INTS4: variants seen among roughly 807,000 people sequenced by gnomAD.
The protein encoded by INTS4 is integrator complex subunit 4.
In INTS4, 70 loss-of-function variants were observed where a neutral mutation model predicts 119.5. The observed-to-expected ratio is 0.59, with a 90% CI of 0.48 to 0.71. The LOEUF (loss-of-function observed/expected upper bound fraction) is 0.71. Among genes scored for constraint, INTS4 ranks in the 30% least tolerant of loss-of-function variants. The pLI is 0.00. For missense variants in INTS4, 867 were observed against 1,173.2 expected (o/e 0.74, Z 3.81); for synonymous variants, 316 against 419.6 (o/e 0.75, Z 3.02).
At chr11:77,940,459 G>A (rs1216283020) in intron 9 of INTS4, among the ~76,000 whole-genome samples, 1 of 152,066 alleles carries the variant, frequency 6.6e-6, no homozygotes, top group African/African-American at 2.4e-5. Flanking sequence ...ATGGCGTGGG[G>A]TTGGGGGTAT....
At position 77,938,690 on chromosome 11, in the gene INTS4, A is replaced by G; in HGVS notation, c.1126T>C (p.Cys376Arg). 2 of 1,611,876 alleles carry G rather than the reference A, an allele frequency of 1.2e-6. No individual in the cohort carries two copies. Among genetic ancestry groups the G allele is most frequent in the Non-Finnish European group, 1.7e-6 (2 of 1,179,804 alleles). The change falls in exon 10 of 23, where the codon TGT becomes CGT. Residue 376 changes from cysteine to arginine, a missense_variant. Cys to Arg is a radical substitution (Grantham distance 180, BLOSUM62 -3). This residue lies in a region of INTS4 where 208 missense variants were observed against 306.6 expected (regional missense o/e 0.68). Transcript: ENST00000534064. ...TCCAACCCATGAACAAAAGCTCCAC[A>G]AGCTCCTGACTCAATCAAGTTCACA... ...GAVNLIESGA[C>R]GAFVHGLEDE...
chr11:77,922,658 C>A, intron 12 of INTS4, 187 bp from the exon 13 acceptor site: 1 of 878,456 alleles, frequency 1.1e-6, no homozygotes, highest in South Asian at 1.8e-5. Flanking sequence ...TCTAAAAAAA[C>A]TGGTTATTAT....
intron 19 of INTS4, among the ~76,000 whole-genome samples, chr11:77,892,467 G>A (rs577763319): frequency 6.6e-6 from 1 of 152,284 alleles, no homozygotes; most frequent in African/African-American, 2.4e-5. Context: ...GGGATTCAGA[G>A]CTCTCATCTT....
intron 13 of INTS4, 22 bp downstream of exon 13, chr11:77,922,334 C>T (rs1185854871): frequency 6.0e-5 from 90 of 1,508,418 alleles, no homozygotes; most frequent in Non-Finnish European, 7.6e-5. Flanking sequence ...ACATCAGGGC[C>T]CATCCTAAGC....
chr11:77,936,775 G>C (rs1439896940), intron 10 of INTS4, among the ~76,000 whole-genome samples: 1 of 151,954 alleles, frequency 6.6e-6, no homozygotes, highest in Non-Finnish European at 1.5e-5. Flanking sequence ...AAGGAAGGAA[G>C]GAAGGAAGGA....
chr11:77,983,059 T>C (rs1421451548), intron 2 of INTS4, among the ~76,000 whole-genome samples: 1 of 152,206 alleles, frequency 6.6e-6, no homozygotes, highest in Non-Finnish European at 1.5e-5. Context: ...TAGCCAGATG[T>C]AGGTGTGAAG....
chr11:77,977,054 T>C (rs935784854), intron 4 of INTS4, among the ~76,000 whole-genome samples: 23 of 152,016 alleles, frequency 1.5e-4, no homozygotes, highest in Admixed American at 1.4e-3. Context: ...TGTGCACATG[T>C]ACCCTAAAAC....
intron 8 of INTS4, among the ~76,000 whole-genome samples, chr11:77,952,083 A>T (rs571577566): frequency 3.0e-4 from 46 of 152,358 alleles, no homozygotes; most frequent in Non-Finnish European, 5.9e-4. Context: ...AAACTAGTTC[A>T]ACCAATGTGT....
intron 4 of INTS4, among the ~76,000 whole-genome samples, chr11:77,976,345 C>T (rs1855951291): frequency 6.6e-6 from 1 of 152,132 alleles, no homozygotes; most frequent in Non-Finnish European, 1.5e-5. Context: ...GGCAACATAG[C>T]AAGACCTTCG....
At chr11:77,883,990 G>T in intron 21 of INTS4, 38 bp from the exon 22 acceptor site, 2 of 1,600,458 alleles carry the variant, frequency 1.2e-6, no homozygotes, top group South Asian at 2.2e-5. Context: ...GCAGAAGCGA[G>T]AGGAGCATTT....
At chr11:77,946,623 T>G (rs1954053503) in intron 8 of INTS4, among the ~76,000 whole-genome samples, 1 of 151,822 alleles carries the variant, frequency 6.6e-6, no homozygotes, top group Admixed American at 6.6e-5. Context: ...TAGTCGGGTG[T>G]GGTGGCATGC....
chr11:77,891,487 G>C, intron 20 of INTS4, 25 bp from the exon 21 acceptor site: 22 of 1,612,734 alleles, frequency 1.4e-5, no homozygotes, highest in Non-Finnish European at 1.9e-5. Flanking sequence ...AAAATCCTAT[G>C]ATTTTAAAGC....
intron 4 of INTS4, among the ~76,000 whole-genome samples, chr11:77,970,838 T>C (rs1357765353): frequency 6.6e-6 from 1 of 151,800 alleles, no homozygotes; most frequent in Non-Finnish European, 1.5e-5. Context: ...CAGACAAGAG[T>C]CTTGCTCTTG....
At chr11:77,904,691 T>C (rs1263935557) in intron 16 of INTS4, among the ~76,000 whole-genome samples, 1 of 152,228 alleles carries the variant, frequency 6.6e-6, no homozygotes. Flanking sequence ...TATGCATGTT[T>C]TTTGACAGTT....
chr11:77,958,341 TA>T (rs1490355661), intron 7 of INTS4, among the ~76,000 whole-genome samples: 5 of 152,164 alleles, frequency 3.3e-5, no homozygotes, highest in Non-Finnish European at 5.9e-5. Context: ...AAAATATTTT[TA>T]ACCAGGAAAA....
chr11:77,939,362 G>A (rs1953873909), intron 9 of INTS4, among the ~76,000 whole-genome samples: 1 of 152,144 alleles, frequency 6.6e-6, no homozygotes, highest in South Asian at 2.1e-4. Context: ...TGTAGTCCCA[G>A]CTACTCGGGA....
intron 10 of INTS4, among the ~76,000 whole-genome samples, chr11:77,931,519 T>C (rs1433552270): frequency 2.0e-5 from 3 of 152,212 alleles, no homozygotes; most frequent in Non-Finnish European, 4.4e-5. Context: ...AGGAGATGGA[T>C]ACCTATTCTA....
intron 2 of INTS4, among the ~76,000 whole-genome samples, chr11:77,982,674 A>G (rs183457122): frequency 6.6e-6 from 1 of 152,322 alleles, no homozygotes; most frequent in African/African-American, 2.4e-5. Flanking sequence ...GCCATATCTC[A>G]AGAATATAGC....
At chr11:77,915,488 A>G (rs1953185133) in intron 15 of INTS4, among the ~76,000 whole-genome samples, 1 of 152,178 alleles carries the variant, frequency 6.6e-6, no homozygotes, top group South Asian at 2.1e-4. Context: ...CTGTGGCTGC[A>G]GCTGCACCCA....
Sources: allele counts gnomAD v4.1 joint callset (sites outside exome capture counted in the v4.1 genomes callset), GRCh38; gene constraint gnomAD v4.1.1; regional missense constraint gnomAD v4.1.1; transcripts MANE v1.5; gene names NCBI Gene and HGNC (gene_info 2026-07-23, HGNC 2026-07-21).